The following SGCZ variants were observed in gnomAD, a reference collection of about 807,000 sequenced individuals.
SGCZ encodes the protein sarcoglycan zeta.
Under a neutral mutation model 41.3 loss-of-function variants are expected in SGCZ, and 40 were observed. The observed-to-expected ratio is 0.97, with a 90% CI of 0.75 to 1.26. The LOEUF is 1.26. Among genes scored for constraint, SGCZ ranks in the 50% most tolerant of loss-of-function variants. SGCZ has a pLI of 0.00. For missense variants in SGCZ, 552 were observed against 369.8 expected (o/e 1.49, Z -4.04); for synonymous variants, 206 against 137.5 (o/e 1.50, Z -3.49).
intron 2 of SGCZ, among the ~76,000 whole-genome samples, chr8:14,524,195 C>T (rs1182533413): frequency 6.6e-6 from 1 of 151,480 alleles, no homozygotes; most frequent in East Asian, 1.9e-4. Context: ...GGCTACAAGG[C>T]TCTGTTTCAA....
intron 3 of SGCZ, among the ~76,000 whole-genome samples, chr8:14,313,399 C>T (rs1363782666): frequency 1.1e-4 from 16 of 152,118 alleles, no homozygotes; most frequent in Admixed American, 7.2e-4. Context: ...CTGCATCCTC[C>T]GCCTCCTGAG....
chr8:14,466,033 TCAC>T lies in SGCZ; in HGVS notation c.234+88696_234+88698del, dbSNP rs1430288658. Among the ~76,000 whole-genome samples, 3 of 151,984 alleles carry T rather than the reference TCAC, an allele frequency of 2.0e-5. No individual in the cohort carries two copies. In the South Asian group the frequency reaches 6.2e-4, roughly 31 times the overall value. The stretch of plus-strand genomic sequence containing the variant: ...AAATAATACTAGCTTTCATAATTGC[TCAC>T]AGTTTATCTTTACTGATATCTTTAT... On this transcript the variant is annotated intron_variant, in intron 2 of 7. Coordinates refer to ENST00000382080, the MANE Select transcript of SGCZ (RefSeq NM_139167.4).
At chr8:14,456,878 G>A (rs949525137) in intron 2 of SGCZ, among the ~76,000 whole-genome samples, 28 of 152,166 alleles carry the variant, frequency 1.8e-4, no homozygotes, top group African/African-American at 5.3e-4. Context: ...TTAAAAGTGC[G>A]TGGTACCTCC....
chr8:15,215,594 T>A (rs7827254), intron 1 of SGCZ, among the ~76,000 whole-genome samples: 117,530 of 152,026 alleles, frequency 0.77, 46,980 homozygotes, highest in Non-Finnish European at 0.88. Flanking sequence ...ATTTTTTAGG[T>A]TGCTGTGGGC....
intron 2 of SGCZ, among the ~76,000 whole-genome samples, chr8:14,528,687 C>G (rs1445531441): frequency 6.6e-6 from 1 of 151,894 alleles, no homozygotes; most frequent in African/African-American, 2.4e-5. Flanking sequence ...CTGATACTTG[C>G]AGCGGGAAGA....
intron 1 of SGCZ, among the ~76,000 whole-genome samples, chr8:14,810,911 A>C (rs1405675434): frequency 2.0e-5 from 3 of 152,048 alleles, no homozygotes; most frequent in Non-Finnish European, 4.4e-5. Context: ...CTCCTTTAAA[A>C]TGCTATCATC....
chr8:15,083,922 T>G lies in SGCZ; in HGVS notation c.39+153663A>C, dbSNP rs75337877. Among the ~76,000 whole-genome samples, 161 of 152,296 alleles carry G rather than the reference T, an allele frequency of 1.1e-3. 1 individual carries two copies. In the East Asian group the frequency reaches 0.029, roughly 28 times the overall value. On this transcript the variant is annotated intron_variant, in intron 1 of 7. Coordinates refer to ENST00000382080, the MANE Select transcript of SGCZ (RefSeq NM_139167.4). Reference sequence around the variant, plus strand: ...TTTTAAAAAGTTAAATTCTTCCCCATGTTTCATGGTCCTTGACTTTTAAGA... The same window carrying G: ...TTTTAAAAAGTTAAATTCTTCCCCAGGTTTCATGGTCCTTGACTTTTAAGA...
chr8:14,872,432 A>G (rs1235914134), intron 1 of SGCZ, among the ~76,000 whole-genome samples: 3 of 152,136 alleles, frequency 2.0e-5, no homozygotes, highest in Non-Finnish European at 4.4e-5. Flanking sequence ...AGTGGTTACT[A>G]TTAATATCTA....
chr8:14,939,921 A>G (rs1489349394), intron 1 of SGCZ, among the ~76,000 whole-genome samples: 1 of 152,164 alleles, frequency 6.6e-6, no homozygotes, highest in Admixed American at 6.5e-5. Context: ...TACCTAGTTT[A>G]ATGGCATACT....
chr8:15,192,703 G>C (rs1800581365), intron 1 of SGCZ, among the ~76,000 whole-genome samples: 1 of 152,072 alleles, frequency 6.6e-6, no homozygotes, highest in South Asian at 2.1e-4. Flanking sequence ...TCTATGATAA[G>C]TTGTACAACT....
intron 1 of SGCZ, among the ~76,000 whole-genome samples, chr8:14,635,138 A>C (rs7816052): frequency 1.3e-4 from 20 of 151,530 alleles, no homozygotes; most frequent in Admixed American, 4.0e-4. Context: ...CTTTTCATTC[A>C]AGCTATTCAT....
chr8:14,384,609 G>C (rs1356314890), intron 2 of SGCZ, among the ~76,000 whole-genome samples: 1 of 152,018 alleles, frequency 6.6e-6, no homozygotes, highest in Non-Finnish European at 1.5e-5. Flanking sequence ...GCCCAGGCTG[G>C]AGTGCAATGG....
At chr8:14,290,790 C>A (rs899589279) in intron 3 of SGCZ, among the ~76,000 whole-genome samples, 5 of 152,032 alleles carry the variant, frequency 3.3e-5, no homozygotes, top group Non-Finnish European at 5.9e-5. Context: ...GAGGTTCCCT[C>A]ATAAGCTACC....
At chr8:14,681,216 T>A (rs1045609483) in intron 1 of SGCZ, among the ~76,000 whole-genome samples, 4 of 152,080 alleles carry the variant, frequency 2.6e-5, no homozygotes, top group Non-Finnish European at 5.9e-5. Flanking sequence ...TTATGAGTCT[T>A]GCAATCAGCC....
At chr8:14,459,229 G>T (rs1800833096) in intron 2 of SGCZ, among the ~76,000 whole-genome samples, 1 of 151,906 alleles carries the variant, frequency 6.6e-6, no homozygotes, top group Admixed American at 6.6e-5. Flanking sequence ...AGAACACTTG[G>T]ACACAGGAAG....
chr8:14,659,629 A>G (rs547525422), intron 1 of SGCZ, among the ~76,000 whole-genome samples: 89 of 152,308 alleles, frequency 5.8e-4, no homozygotes, highest in African/African-American at 2.0e-3. Flanking sequence ...TCAACATTTT[A>G]AACGGTGGTC....
chr8:14,990,863 G>A (rs1801991522), intron 1 of SGCZ, among the ~76,000 whole-genome samples: 1 of 152,006 alleles, frequency 6.6e-6, no homozygotes, highest in African/African-American at 2.4e-5. Context: ...AGAAAGGAGT[G>A]CAATTCAAAT....
intron 3 of SGCZ, among the ~76,000 whole-genome samples, chr8:14,249,199 C>G (rs921060746): frequency 2.0e-5 from 3 of 152,170 alleles, no homozygotes; most frequent in African/African-American, 7.2e-5. Flanking sequence ...AGAGAATTCA[C>G]TCTCTCTGCC....
chr8:14,117,699 A>G (rs375102007), intron 5 of SGCZ, among the ~76,000 whole-genome samples: 2 of 151,450 alleles, frequency 1.3e-5, no homozygotes, highest in South Asian at 2.1e-4. Context: ...CCCATCATCT[A>G]CATTAGGTAT....
Sources: allele counts gnomAD v4.1 joint callset (sites outside exome capture counted in the v4.1 genomes callset), GRCh38; gene constraint gnomAD v4.1.1; transcripts MANE v1.5; gene names NCBI Gene and HGNC (gene_info 2026-07-23, HGNC 2026-07-21).